TRIM54: variants seen among roughly 807,000 people sequenced by gnomAD.
TRIM54 encodes the protein tripartite motif containing 54, also known as tripartite motif-containing protein 54.
Under a neutral mutation model 42.0 loss-of-function variants are expected in TRIM54, and 40 were observed. That is an observed-to-expected ratio of 0.95 (90% CI 0.74 to 1.24). TRIM54 has a LOEUF of 1.24. Among genes scored for constraint, TRIM54 ranks in the 50% most tolerant of loss-of-function variants. TRIM54 has a pLI of 0.00. For synonymous variants in TRIM54, 199 were observed against 194.9 expected (o/e 1.02, Z -0.17); for missense variants, 485 against 480.3 (o/e 1.01, Z -0.09).
At chr2:27,295,302 G>A (rs1313124110) in intron 1 of TRIM54, among the ~76,000 whole-genome samples, 1 of 151,816 alleles carries the variant, frequency 6.6e-6, no homozygotes, top group Admixed American at 6.6e-5. Context: ...CACATGATAA[G>A]CCCTCAAAAC....
chr2:27,306,685 C>T lies in TRIM54; in HGVS notation c.*1+143C>T. The T allele has an allele frequency of 1.1e-6, 1 of 912,114 alleles. No individual in the cohort carries two copies. The highest frequency in any genetic ancestry group is 1.6e-6 in the Non-Finnish European group (1 of 614,390). The allele number at this position is 912,114 out of a possible 1,614,324, so 56.5% of individuals were successfully genotyped here. On this transcript the variant is annotated intron_variant, in intron 8 of 8. Transcript: ENST00000380075. The surrounding 1 kb of genome is among the most constrained non-coding windows in gnomAD (Gnocchi z 6.1). ...GCCCCCACTCCTCGGTGCAACCCAA[C>T]CCCGGAGCCACAAAGGCGCGCCCCC...
At position 27,306,111 on chromosome 2, in the gene TRIM54, G is replaced by C; in HGVS notation, c.866+9G>C. On this transcript the variant is annotated intron_variant, in intron 6 of 8. Transcript: ENST00000380075. This position sits in a 1 kb window ranked among gnomAD's most constrained non-coding sequence, Gnocchi z 6.1. Reference sequence around the variant, plus strand: ...AAGGAGCTGATCAATAAGTGAGTAGGCATAGCGGGAAGGGAAAGGAGGGGG... The same window carrying C: ...AAGGAGCTGATCAATAAGTGAGTAGCCATAGCGGGAAGGGAAAGGAGGGGG... The C allele has an allele frequency of 6.2e-7, 1 of 1,614,004 alleles. No homozygotes were observed. The highest frequency in any genetic ancestry group is 8.5e-7 in the Non-Finnish European group (1 of 1,180,010).
chr2:27,307,199 C>T lies in TRIM54; in HGVS notation c.*314C>T, dbSNP rs1679250491. The T allele has an allele frequency of 7.4e-6, 3 of 404,488 alleles. No homozygotes were observed. The highest frequency in any genetic ancestry group is 4.5e-6 in the Non-Finnish European group (1 of 222,730). 25.1% of individuals were successfully genotyped at this position (404,488 alleles called of 1,614,324 possible). A position where few individuals can be genotyped will look rare whatever the true frequency, so the allele number is the denominator to read the frequency against. On this transcript the variant is annotated 3_prime_UTR_variant, in exon 9 of 9. Coordinates refer to ENST00000380075, the MANE Select transcript of TRIM54 (RefSeq NM_187841.3). This position sits in a 1 kb window ranked among gnomAD's most constrained non-coding sequence, Gnocchi z 6.9. ...AGCGCCCTGGGAAGAGGGCCGAGGG[C>T]GGGGCGGTGGTGCCGGGACCTCTGA...
intron 1 of TRIM54, among the ~76,000 whole-genome samples, chr2:27,291,835 T>C (rs556645312): frequency 1.3e-5 from 2 of 151,830 alleles, no homozygotes; most frequent in Admixed American, 6.6e-5. Context: ...GCAGGAGAAA[T>C]TGGACTTGTG....
chr2:27,306,239 T>C lies in TRIM54; in HGVS notation c.893T>C (p.Leu298Pro). Residue 298 changes from leucine (L) to proline (P), a missense_variant, in exon 7 of 9, where the codon CTG (leucine) becomes CCG (proline). Transcript: ENST00000380075. The surrounding 1 kb of genome is among the most constrained non-coding windows in gnomAD (Gnocchi z 6.1). Reference protein sequence around the residue: ...NKVGAMSKVELAGRPEPGYES... With the variant: ...NKVGAMSKVEPAGRPEPGYES... ...GTCGGGGCCATGTCGAAGGTGGAGCTGGCAGGGCGGCCGGAGCCAGGCTAT... is the reference window on the plus strand; with the variant it reads ...GTCGGGGCCATGTCGAAGGTGGAGCCGGCAGGGCGGCCGGAGCCAGGCTAT... 4.3e-6 allele frequency: 7 copies of C among 1,613,960 alleles called. No individual in the cohort carries two copies. Among genetic ancestry groups the C allele is most frequent in the Non-Finnish European group, 5.9e-6 (7 of 1,179,996 alleles).
chr2:27,301,939 C>T (rs986189842), intron 3 of TRIM54, among the ~76,000 whole-genome samples: 8 of 151,946 alleles, frequency 5.3e-5, no homozygotes, highest in Non-Finnish European at 8.8e-5. Context: ...GGATCACCTG[C>T]GATCAGGAGT....
chr2:27,289,071 T>C (rs567176779), intron 1 of TRIM54, among the ~76,000 whole-genome samples: 4 of 152,218 alleles, frequency 2.6e-5, no homozygotes, highest in Non-Finnish European at 5.9e-5. Context: ...GAAGATGTAT[T>C]AAGGAAGTTG....
Position 27,282,877 on chromosome 2 carries a change from A to G in TRIM54, c.146A>G (p.Lys49Arg), listed in dbSNP as rs140292566. Residue 49 changes from lysine to arginine, a missense_variant, in exon 1 of 9, where the codon AAA (lysine) becomes AGA (arginine). By Grantham distance (26) the Lys-to-Arg change is conservative. Coordinates refer to ENST00000380075, the MANE Select transcript of TRIM54 (RefSeq NM_187841.3). ...ILPCQHNLCRKCANDVFQASN... is the reference protein window; with the variant it reads ...ILPCQHNLCRRCANDVFQASN... ...CCCTGCCAACACAACCTGTGCCGCA[A>G]ATGTGCCAACGACGTCTTCCAGGTG... 3.7e-6 allele frequency: 6 copies of G among 1,613,336 alleles called. No homozygotes were observed. The highest frequency in any genetic ancestry group is 1.3e-5 in the African/African-American group (1 of 74,940).
Position 27,300,451 on chromosome 2 carries a change from C to T in TRIM54, c.513+1035C>T, listed in dbSNP as rs183233788. On this transcript the variant is annotated intron_variant, in intron 3 of 8. Transcript: ENST00000380075. The stretch of plus-strand genomic sequence containing the variant: ...GCCTCCCAAATGCTGGGATTACAGG[C>T]GTGAGCCCCTGCGCCCGAACCTAAT... Among the ~76,000 whole-genome samples the T allele has an allele frequency of 2.8e-3, 426 of 149,590 alleles. 3 individuals carry two copies. Among genetic ancestry groups the T allele is most frequent in the African/African-American group, 0.01 (410 of 40,124 alleles).
chr2:27,294,815 A>G (rs62130711), intron 1 of TRIM54, among the ~76,000 whole-genome samples: 52,445 of 145,918 alleles, frequency 0.36, 12,113 homozygotes, highest in African/African-American at 0.65. Context: ...GCTTGAACCC[A>G]GGAGATGGAG....
chr2:27,286,072 G>T (rs1187266875), intron 1 of TRIM54, among the ~76,000 whole-genome samples: 1 of 151,876 alleles, frequency 6.6e-6, no homozygotes, highest in Non-Finnish European at 1.5e-5. Context: ...CTACAAAAAA[G>T]AAAATACTGT....
At chr2:27,305,967 C>A in intron 5 of TRIM54, 113 bp from the exon 6 acceptor site, 1 of 1,466,570 alleles carries the variant, frequency 6.8e-7, no homozygotes, top group African/African-American at 1.4e-5. Flanking sequence ...TTCTGCTTAA[C>A]GAATTGGGAC....
At chr2:27,302,308 G>A (rs1488456376) in intron 3 of TRIM54, among the ~76,000 whole-genome samples, 11 of 151,084 alleles carry the variant, frequency 7.3e-5, no homozygotes, top group South Asian at 2.1e-4. Context: ...AAACTTAGCC[G>A]GGCGTGGTGG....
intron 3 of TRIM54, among the ~76,000 whole-genome samples, chr2:27,304,069 G>A (rs1048531458): frequency 1.3e-5 from 2 of 151,626 alleles, no homozygotes; most frequent in Non-Finnish European, 2.9e-5. Flanking sequence ...AAAATTAGCC[G>A]GACGTGGTGT....
At chr2:27,303,896 C>T (rs1679106852) in intron 3 of TRIM54, among the ~76,000 whole-genome samples, 1 of 152,092 alleles carries the variant, frequency 6.6e-6, no homozygotes, top group Non-Finnish European at 1.5e-5. Flanking sequence ...ATTTTAAAAA[C>T]CAAACAATAA....
chr2:27,295,353 C>A (rs1422466831), intron 1 of TRIM54, among the ~76,000 whole-genome samples: 2 of 152,048 alleles, frequency 1.3e-5, no homozygotes, highest in African/African-American at 4.8e-5. Context: ...GTCTCCCAGG[C>A]TGGAGTGCAA....
At chr2:27,304,251 T>TAG (rs1679119440) in intron 3 of TRIM54, among the ~76,000 whole-genome samples, 1 of 137,622 alleles carries the variant, frequency 7.3e-6, no homozygotes, top group African/African-American at 2.8e-5. Context: ...TAGATAGATA[T>TAG]AGATATACAG....
rs766490087 is a variant in TRIM54, at chr2:27,306,496, G to A, written c.1032G>A (p.Glu344=). The part of the protein sequence containing the change: ...GEEEEVAPDG[E]EGSAGPEEER... ...AAGAGGAGGTGGCCCCAGACGGAGA[G>A]GAGGGCAGCGCGGGGCCGGAGGAAG... Residue 344 remains glutamate (E), a synonymous_variant, in exon 8 of 9, where the codon GAG becomes GAA. Transcript: ENST00000380075. The surrounding 1 kb of genome is among the most constrained non-coding windows in gnomAD (Gnocchi z 6.1). 3.2e-6 allele frequency: 5 copies of A among 1,580,654 alleles called. No individual in the cohort carries two copies. Among genetic ancestry groups the A allele is most frequent in the Non-Finnish European group, 4.3e-6 (5 of 1,162,940 alleles).
intron 3 of TRIM54, among the ~76,000 whole-genome samples, chr2:27,302,018 G>A (rs190279786): frequency 5.9e-5 from 9 of 152,268 alleles, no homozygotes; most frequent in Non-Finnish European, 1.3e-4. Flanking sequence ...GCCAGGTGTG[G>A]TGGCATGTGC....
Sources: allele counts gnomAD v4.1 joint callset (sites outside exome capture counted in the v4.1 genomes callset), GRCh38; gene constraint gnomAD v4.1.1; non-coding constraint Gnocchi (gnomAD v3.1); transcripts MANE v1.5; gene names NCBI Gene and HGNC (gene_info 2026-07-23, HGNC 2026-07-21).